The following ZNF536 variants were observed in gnomAD, a reference collection of about 807,000 sequenced individuals.
ZNF536 encodes the protein zinc finger protein 536.
In ZNF536, 13 loss-of-function variants were observed where a neutral mutation model predicts 84.5. The ratio of observed to expected loss-of-function variants is 0.15; its 90% CI spans 0.10 to 0.24. The LOEUF (loss-of-function observed/expected upper bound fraction) is 0.24, where lower values mean the gene tolerates loss of function less well. Among genes scored for constraint, ZNF536 ranks in the 10% least tolerant of loss-of-function variants. The pLI is 1.00. For missense variants in ZNF536, 1,536 were observed against 1,747.5 expected (o/e 0.88, Z 2.16); for synonymous variants, 811 against 742.5 (o/e 1.09, Z -1.50).
intron 1 of ZNF536, among the ~76,000 whole-genome samples, chr19:30,687,157 A>G (rs773922079): frequency 5.3e-5 from 8 of 152,166 alleles, no homozygotes; most frequent in Non-Finnish European, 1.0e-4. Context: ...CGGGGCTGCA[A>G]ATGCATGCCT....
At chr19:30,637,647 T>A (rs1225245625) in intron 1 of ZNF536, among the ~76,000 whole-genome samples, 1 of 152,206 alleles carries the variant, frequency 6.6e-6, no homozygotes, top group Admixed American at 6.5e-5. Context: ...TTTAACATCC[T>A]TCTACCCTTG....
chr19:30,447,146 C>T (rs188660653), intron 2 of ZNF536, among the ~76,000 whole-genome samples: 10 of 152,322 alleles, frequency 6.6e-5, no homozygotes, highest in Middle Eastern at 3.4e-3. Context: ...CTGTTAAAGA[C>T]GTAGCAGCAC....
At chr19:30,424,926 C>T (rs2051145878) in intron 1 of ZNF536, among the ~76,000 whole-genome samples, 1 of 152,178 alleles carries the variant, frequency 6.6e-6, no homozygotes, top group African/African-American at 2.4e-5. Flanking sequence ...CCACCCAACG[C>T]TTCTGGAAGA....
chr19:30,446,710 G>A (rs1568440953), intron 2 of ZNF536, among the ~76,000 whole-genome samples: 2 of 151,978 alleles, frequency 1.3e-5, no homozygotes. Flanking sequence ...TGTGTTACAC[G>A]GCTGATACAG....
At chr19:30,639,920 A>G (rs1342703050) in intron 1 of ZNF536, among the ~76,000 whole-genome samples, 1 of 152,168 alleles carries the variant, frequency 6.6e-6, no homozygotes, top group East Asian at 1.9e-4. Flanking sequence ...GGCTCCTTTG[A>G]TAACTCTATT....
intron 2 of ZNF536, among the ~76,000 whole-genome samples, chr19:30,332,314 C>A (rs1013851881): frequency 6.6e-6 from 1 of 152,326 alleles, no homozygotes; most frequent in East Asian, 1.9e-4. Context: ...CTGCTCTTCC[C>A]AGAGATCCTC....
chr19:30,458,035 A>G (rs2052937771), intron 2 of ZNF536, among the ~76,000 whole-genome samples: 1 of 152,220 alleles, frequency 6.6e-6, no homozygotes, highest in Non-Finnish European at 1.5e-5. Context: ...CTTCTGATGA[A>G]GCAAAACGTC....
chr19:30,601,341 C>T (rs2047675566), intron 1 of ZNF536, among the ~76,000 whole-genome samples: 1 of 152,184 alleles, frequency 6.6e-6, no homozygotes, highest in Non-Finnish European at 1.5e-5. Context: ...TGGGAGCCTG[C>T]ATCGGGGTCA....
intron 1 of ZNF536, among the ~76,000 whole-genome samples, chr19:30,656,373 G>A (rs542331826): frequency 7.9e-4 from 121 of 152,310 alleles, no homozygotes; most frequent in Admixed American, 1.6e-3. Context: ...ATTAACTTAG[G>A]ATTGTGAAAT....
intron 3 of ZNF536, among the ~76,000 whole-genome samples, chr19:30,535,972 G>C (rs1231680624): frequency 6.6e-6 from 1 of 152,046 alleles, no homozygotes; most frequent in Non-Finnish European, 1.5e-5. Flanking sequence ...GCCTCACCTG[G>C]TCCCCACAAA....
intron 1 of ZNF536, among the ~76,000 whole-genome samples, chr19:30,602,225 G>C (rs995573896): frequency 2.0e-5 from 3 of 152,242 alleles, no homozygotes; most frequent in African/African-American, 7.2e-5. Context: ...CTCATTGGCT[G>C]CCTGGATTCA....
chr19:30,287,890 A>G (rs923880930), intron 2 of ZNF536, among the ~76,000 whole-genome samples: 5 of 152,190 alleles, frequency 3.3e-5, no homozygotes, highest in African/African-American at 1.2e-4. Context: ...GTACCTTAGA[A>G]TATTGGGCTC....
intron 1 of ZNF536, among the ~76,000 whole-genome samples, chr19:30,399,035 A>G (rs2049939189): frequency 6.6e-6 from 1 of 152,206 alleles, no homozygotes; most frequent in African/African-American, 2.4e-5. Context: ...TCCCACCAAC[A>G]GTGTAAAAGC....
intron 1 of ZNF536, among the ~76,000 whole-genome samples, chr19:30,569,438 C>T (rs62103415): frequency 0.25 from 37,256 of 151,676 alleles, 5,169 homozygotes; most frequent in East Asian, 0.42. Flanking sequence ...GTCTGTCATC[C>T]TCCTGTGCCC....
At chr19:30,670,888 G>A (rs559006776) in intron 1 of ZNF536, among the ~76,000 whole-genome samples, 6 of 152,292 alleles carry the variant, frequency 3.9e-5, no homozygotes, top group African/African-American at 1.4e-4. Flanking sequence ...CTATCAAATG[G>A]ATGAATGATT....
At chr19:30,436,503 C>T in intron 1 of ZNF536, 3 of 984,686 alleles carry the variant, frequency 3.0e-6, no homozygotes, top group Non-Finnish European at 3.6e-6. Context: ...CTCAGCATAG[C>T]AAGCTCTAGG....
intron 2 of ZNF536, among the ~76,000 whole-genome samples, chr19:30,285,225 A>T (rs535187055): frequency 6.6e-6 from 1 of 152,316 alleles, no homozygotes; most frequent in Non-Finnish European, 1.5e-5. Flanking sequence ...GAAAGACAGG[A>T]TTACTATTTT....
At chr19:30,645,124 T>G (rs900136104) in intron 1 of ZNF536, among the ~76,000 whole-genome samples, 1 of 152,232 alleles carries the variant, frequency 6.6e-6, no homozygotes, top group Admixed American at 6.5e-5. Context: ...GCCAGTGATG[T>G]TGAGCATTTT....
chr19:30,598,953 CT>C lies in ZNF536; in HGVS notation c.169+49441del, dbSNP rs796970492. Among the ~76,000 whole-genome samples, 177 of 45,642 alleles carry C rather than the reference CT, an allele frequency of 3.9e-3. 1 individual carries two copies. Among genetic ancestry groups the C allele is most frequent in the African/African-American group, 9.2e-3 (170 of 18,386 alleles). The allele number at this position is 45,642 out of a possible 152,430, so 29.9% of individuals were successfully genotyped here. ...TCTCCCTCCCTCCCTCCCTTTCTTC[CT>C]TCCTTCCTCCTTCCCTCCTTCCCTC... On this transcript the variant is annotated intron_variant, in intron 1 of 1. Coordinates refer to the ZNF536 transcript ENST00000592773.
Sources: allele counts gnomAD v4.1 joint callset (sites outside exome capture counted in the v4.1 genomes callset), GRCh38; gene constraint gnomAD v4.1.1; transcripts MANE v1.5; gene names NCBI Gene and HGNC (gene_info 2026-07-23, HGNC 2026-07-21).